The following IL18R1 variants were observed in gnomAD, a reference collection of about 807,000 sequenced individuals.
IL18R1 encodes interleukin 18 receptor 1.
Under a neutral mutation model 48.5 loss-of-function variants are expected in IL18R1, and 40 were observed. That is an observed-to-expected ratio of 0.82 (90% CI 0.64 to 1.07). The LOEUF is 1.07. Ranked by LOEUF, IL18R1 falls within the 50% of genes least tolerant of loss-of-function variation. The pLI, the probability that IL18R1 is intolerant of heterozygous loss-of-function variation, is 0.00. For missense variants in IL18R1, 596 were observed against 633.7 expected (o/e 0.94, Z 0.64); for synonymous variants, 232 against 225.9 (o/e 1.03, Z -0.24).
rs1393469144 is a variant in IL18R1 at position 102,368,006 on chromosome 2, T to C, written c.240T>C (p.Asp80=). 1.2e-6 allele frequency: 2 copies of C among 1,614,196 alleles called. No homozygotes were observed. The highest frequency in any genetic ancestry group is 2.2e-5 in the East Asian group (1 of 44,878). The change falls in exon 3 of 11, where the codon GAT becomes GAC. Residue 80 remains aspartate, a synonymous_variant. Coordinates refer to ENST00000233957, the MANE Select transcript of IL18R1 (RefSeq NM_003855.5). ...PRSSSRIALH[D]CVLEFWPVEL... ...GTTCCTCGAGAATTGCTTTGCATGA[T>C]TGTGTTTTGGAGTTTTGGCCAGTTG...
At chr2:102,371,203 T>G (rs932706514) in intron 3 of IL18R1, among the ~76,000 whole-genome samples, 1 of 152,078 alleles carries the variant, frequency 6.6e-6, no homozygotes, top group African/African-American at 2.4e-5. Flanking sequence ...TTTTGTAGTT[T>G]TAGTAGAGAC....
intron 5 of IL18R1, among the ~76,000 whole-genome samples, chr2:102,376,628 G>C (rs1006823559): frequency 3.9e-5 from 6 of 152,174 alleles, no homozygotes; most frequent in African/African-American, 1.4e-4. Flanking sequence ...ATGAAACAGT[G>C]ACCTGCTGGG....
chr2:102,392,071 C>T (rs902783494), intron 9 of IL18R1, among the ~76,000 whole-genome samples: 1 of 152,132 alleles, frequency 6.6e-6, no homozygotes, highest in Non-Finnish European at 1.5e-5. Flanking sequence ...TCAAATGTAT[C>T]TTTTATGGTT....
intron 1 of IL18R1, among the ~76,000 whole-genome samples, chr2:102,359,775 A>G (rs1291879488): frequency 2.0e-5 from 3 of 152,220 alleles, no homozygotes; most frequent in East Asian, 3.8e-4. Flanking sequence ...TCAGGTTTCA[A>G]TGTAGTCTTC....
At position 102,375,961 on chromosome 2, in the gene IL18R1, G is replaced by C. The variant is rs776875280; in HGVS notation, c.523G>C (p.Ala175Pro). Residue 175 changes from alanine (A) to proline (P), a missense_variant, in exon 5 of 11, where the codon GCC becomes CCC. This residue lies in a region of IL18R1 where 360 missense variants were observed against 339.4 expected (regional missense o/e 1.06). Coordinates refer to ENST00000233957, the MANE Select transcript of IL18R1 (RefSeq NM_003855.5). ...TAAAAACCCAACGATAAAGAAGAACGCCGAGTTTGAAGATCAGGGGTATTA... is the reference window on the plus strand; with the variant it reads ...TAAAAACCCAACGATAAAGAAGAACCCCGAGTTTGAAGATCAGGGGTATTA... ...NNKNPTIKKN[A>P]EFEDQGYYSC... 1.2e-6 allele frequency: 2 copies of C among 1,606,022 alleles called. No individual in the cohort carries two copies. The highest frequency in any genetic ancestry group is 1.7e-6 in the Non-Finnish European group (2 of 1,177,224).
Position 102,375,912 on chromosome 2 carries a change from TA to T in IL18R1, c.479del (p.Lys160SerfsTer12). 1 of 1,572,736 alleles carries T rather than the reference TA, an allele frequency of 6.4e-7. No individual in the cohort carries two copies. The highest frequency in any genetic ancestry group is 8.6e-7 in the Non-Finnish European group (1 of 1,166,042). On this transcript the variant is annotated frameshift_variant, in exon 5 of 11. Transcript: ENST00000233957. LOFTEE classifies it high-confidence loss of function. ...ACTTGTTTTATTAAAAACAGAACTG[TA>T]AAAAGCTACTACTGGAGAACAATAA... ...VNSTSLYKNC[K>X]KLLLENNKNP...
At chr2:102,359,021 ATGTG>A (rs140578887) in intron 1 of IL18R1, among the ~76,000 whole-genome samples, 1 of 150,936 alleles carries the variant, frequency 6.6e-6, no homozygotes, top group Non-Finnish European at 1.5e-5. Flanking sequence ...GTGTGTGAGC[ATGTG>A]TGTGTGTGTG....
intron 4 of IL18R1, among the ~76,000 whole-genome samples, chr2:102,375,020 T>C (rs1396016619): frequency 6.6e-6 from 1 of 152,198 alleles, no homozygotes; most frequent in Non-Finnish European, 1.5e-5. Context: ...TTTTGACTTA[T>C]ACATAAATAA....
intron 8 of IL18R1, among the ~76,000 whole-genome samples, chr2:102,388,062 C>T (rs970362286): frequency 3.9e-5 from 6 of 152,132 alleles, no homozygotes; most frequent in African/African-American, 9.7e-5. Context: ...CAGACACACA[C>T]AAACATGCAG....
intron 5 of IL18R1, 67 bp downstream of exon 5, chr2:102,376,130 C>A: frequency 7.5e-7 from 1 of 1,340,750 alleles, no homozygotes; most frequent in Non-Finnish European, 1.0e-6. Context: ...TTTCATTCTT[C>A]AAAACTGTGT....
chr2:102,368,527 C>G (rs535096456), intron 3 of IL18R1, among the ~76,000 whole-genome samples: 2 of 152,280 alleles, frequency 1.3e-5, no homozygotes, highest in South Asian at 4.1e-4. Flanking sequence ...CAGGGGCTCA[C>G]TGGGAGCCAG....
intron 10 of IL18R1, 84 bp downstream of exon 10, chr2:102,394,711 A>G (rs1325781725): frequency 9.0e-6 from 11 of 1,219,608 alleles, no homozygotes; most frequent in African/African-American, 3.1e-5. Flanking sequence ...GAGCTATCCC[A>G]TTTTCCTTAA....
At chr2:102,394,945 T>TACA (rs1680746639) in intron 10 of IL18R1, among the ~76,000 whole-genome samples, 1 of 152,136 alleles carries the variant, frequency 6.6e-6, no homozygotes, top group Admixed American at 6.6e-5. Context: ...TGACCCACGG[T>TACA]GAGAATATCT....
chr2:102,377,744 C>T (rs1264409549), intron 5 of IL18R1, among the ~76,000 whole-genome samples: 1 of 152,208 alleles, frequency 6.6e-6, no homozygotes, highest in South Asian at 2.1e-4. Flanking sequence ...TTGACTCTGA[C>T]CTTTCTGTCT....
In IL18R1 at chr2:102,367,996, CT is replaced by C; in HGVS notation, c.233del (p.Leu78CysfsTer13). ...ELNPRSSSRIALHDCVLEFWP... is the reference protein window; with the variant it reads ...ELNPRSSSRIXLHDCVLEFWP... The stretch of plus-strand genomic sequence containing the variant: ...AACCCAAGGAGTTCCTCGAGAATTG[CT>C]TTGCATGATTGTGTTTTGGAGTTTT... On this transcript the variant is annotated frameshift_variant, in exon 3 of 11. Coordinates refer to ENST00000233957, the MANE Select transcript of IL18R1 (RefSeq NM_003855.5). LOFTEE classifies it high-confidence loss of function. 1 of 1,614,176 alleles carries C rather than the reference CT, an allele frequency of 6.2e-7. No individual in the cohort carries two copies. The highest frequency in any genetic ancestry group is 8.5e-7 in the Non-Finnish European group (1 of 1,180,036).
intron 9 of IL18R1, among the ~76,000 whole-genome samples, chr2:102,391,237 C>CA (rs78700792): frequency 6.6e-6 from 1 of 152,086 alleles, no homozygotes; most frequent in Non-Finnish European, 1.5e-5. Flanking sequence ...CAGTAGCCCC[C>CA]CTTCCAGCCT....
At chr2:102,374,676 G>A (rs777393110) in intron 4 of IL18R1, among the ~76,000 whole-genome samples, 1 of 152,034 alleles carries the variant, frequency 6.6e-6, no homozygotes, top group African/African-American at 2.4e-5. Context: ...TGCTCGGGAG[G>A]CTGAGGAAGG....
At chr2:102,365,557 A>G (rs575393632) in intron 2 of IL18R1, among the ~76,000 whole-genome samples, 1 of 152,122 alleles carries the variant, frequency 6.6e-6, no homozygotes, top group South Asian at 2.1e-4. Context: ...TGAATCTATC[A>G]TCCTGGGGCC....
In IL18R1 at chr2:102,372,001, C is replaced by A; in HGVS notation, c.351C>A (p.His117Gln). 6.3e-7 allele frequency: 1 copy of A among 1,584,818 alleles called. No homozygotes were observed. The highest frequency in any genetic ancestry group is 8.6e-7 in the Non-Finnish European group (1 of 1,158,864). ...WKLNVIRRNK[H>Q]SCFTERQVTS... ...TAAATGTCATCAGAAGAAATAAACA[C>A]AGCTGTTTCACTGAAAGACAAGTAA... The change falls in exon 4 of 11, where the codon CAC (histidine) becomes CAA (glutamine). Residue 117 changes from histidine (H) to glutamine (Q), a missense_variant. By Grantham distance (24) the His-to-Gln change is conservative (BLOSUM62 0). Transcript: ENST00000233957.
Sources: gnomAD v4.1 joint callset for allele counts (sites outside exome capture counted in the v4.1 genomes callset) on GRCh38, gnomAD v4.1.1 for gene constraint, gnomAD v4.1.1 regional missense constraint, MANE v1.5 for transcripts, NCBI Gene and HGNC (gene_info 2026-07-23, HGNC 2026-07-21) for gene names.